Variants in PRKACB observed in about 807,000 individuals in gnomAD.
The protein encoded by PRKACB is protein kinase cAMP-activated catalytic subunit beta.
Under a neutral mutation model 51.4 loss-of-function variants are expected in PRKACB, and 16 were observed. The ratio of observed to expected loss-of-function variants is 0.31; its 90% confidence interval spans 0.21 to 0.47. The LOEUF (loss-of-function observed/expected upper bound fraction) is 0.47. Ranked by LOEUF, PRKACB falls within the 20% of genes least tolerant of loss-of-function variation. PRKACB has a pLI of 1.00. For synonymous variants in PRKACB, 147 were observed against 154.4 expected (o/e 0.95, Z 0.35); for missense variants, 309 against 464.5 (o/e 0.67, Z 3.08).
At chr1:84,113,691 A>G (rs1650410094) in intron 1 of PRKACB, among the ~76,000 whole-genome samples, 1 of 152,236 alleles carries the variant, frequency 6.6e-6, no homozygotes, top group Non-Finnish European at 1.5e-5. Flanking sequence ...GAATCAATAC[A>G]TGCTGCAACA....
intron 8 of PRKACB, among the ~76,000 whole-genome samples, chr1:84,209,880 G>T (rs1362410675): frequency 4.6e-5 from 7 of 152,132 alleles, no homozygotes; most frequent in Non-Finnish European, 1.0e-4. Context: ...CATAGTAGAG[G>T]TTCAATCAAT....
intron 2 of PRKACB, chr1:84,181,698 C>G (rs1558148638): frequency 1.3e-6 from 2 of 1,523,898 alleles, no homozygotes; most frequent in Non-Finnish European, 1.8e-6. Flanking sequence ...TATATAAAGA[C>G]AGAAATGAAG....
chr1:84,170,384 G>A (rs1659041934), intron 1 of PRKACB, among the ~76,000 whole-genome samples: 1 of 151,802 alleles, frequency 6.6e-6, no homozygotes, highest in Admixed American at 6.6e-5. Context: ...CCTGGGAACA[G>A]GGGAGGGATG....
intron 1 of PRKACB, among the ~76,000 whole-genome samples, chr1:84,163,657 C>T (rs574720865): frequency 5.3e-5 from 8 of 152,032 alleles, no homozygotes; most frequent in African/African-American, 1.7e-4. Flanking sequence ...TTCAGTGGTT[C>T]GTCACAAATA....
At chr1:84,104,502 A>G (rs2100820072) in intron 1 of PRKACB, among the ~76,000 whole-genome samples, 1 of 152,238 alleles carries the variant, frequency 6.6e-6, no homozygotes, top group African/African-American at 2.4e-5. Context: ...AATAGCCAGC[A>G]TTGGGATTGC....
intron 1 of PRKACB, chr1:84,086,175 T>C (rs1302802336): frequency 6.3e-7 from 1 of 1,598,912 alleles, no homozygotes; most frequent in Middle Eastern, 1.9e-4. Flanking sequence ...GTGGACAAGT[T>C]TGTGGGCATC....
At chr1:84,206,908 A>G (rs1361667736) in intron 8 of PRKACB, among the ~76,000 whole-genome samples, 1 of 152,168 alleles carries the variant, frequency 6.6e-6, no homozygotes, top group Non-Finnish European at 1.5e-5. Flanking sequence ...AGTCTTTTCT[A>G]CACACATTCG....
At chr1:84,126,736 A>C (rs998658464) in intron 1 of PRKACB, among the ~76,000 whole-genome samples, 1 of 152,174 alleles carries the variant, frequency 6.6e-6, no homozygotes, top group Non-Finnish European at 1.5e-5. Flanking sequence ...TCCCCAGCTT[A>C]ATAATAACTG....
At chr1:84,192,586 T>C (rs1310024531) in intron 5 of PRKACB, among the ~76,000 whole-genome samples, 2 of 152,144 alleles carry the variant, frequency 1.3e-5, no homozygotes, top group African/African-American at 2.4e-5. Context: ...AGAGGAATTG[T>C]AAACGTGGAG....
chr1:84,091,986 T>G (rs114586898), intron 1 of PRKACB, among the ~76,000 whole-genome samples: 1 of 152,132 alleles, frequency 6.6e-6, no homozygotes, highest in Non-Finnish European at 1.5e-5. Context: ...AAGGAAACTT[T>G]TTTGGTTTTT....
chr1:84,123,631 A>T (rs904546273), intron 1 of PRKACB, among the ~76,000 whole-genome samples: 2 of 152,186 alleles, frequency 1.3e-5, no homozygotes. Context: ...GAGAAAATAA[A>T]GTAGAACGCT....
At chr1:84,220,892 CTG>C (rs1673602376) in intron 9 of PRKACB, among the ~76,000 whole-genome samples, 2 of 151,986 alleles carry the variant, frequency 1.3e-5, no homozygotes, top group South Asian at 4.1e-4. Context: ...AGATGTTGGT[CTG>C]TAGTGTTCTT....
intron 1 of PRKACB, among the ~76,000 whole-genome samples, chr1:84,155,611 TAGC>T (rs1186790464): frequency 6.6e-6 from 1 of 152,192 alleles, no homozygotes. Flanking sequence ...CAGTGAGTAA[TAGC>T]AGATGATCTG....
chr1:84,082,835 A>C (rs892800090), intron 1 of PRKACB, among the ~76,000 whole-genome samples: 1 of 152,208 alleles, frequency 6.6e-6, no homozygotes, highest in African/African-American at 2.4e-5. Context: ...TTTTGCATTT[A>C]ATAGAAATGC....
At chr1:84,150,067 A>G (rs1329053408) in intron 1 of PRKACB, among the ~76,000 whole-genome samples, 1 of 151,940 alleles carries the variant, frequency 6.6e-6, no homozygotes, top group African/African-American at 2.4e-5. Flanking sequence ...GAGTTCAACA[A>G]CAGCCTGGCC....
chr1:84,121,496 A>G (rs1651072910), intron 1 of PRKACB, among the ~76,000 whole-genome samples: 1 of 152,114 alleles, frequency 6.6e-6, no homozygotes, highest in Admixed American at 6.6e-5. Flanking sequence ...AAAACTGTAC[A>G]TTACCCCTAA....
At chr1:84,212,590 C>G (rs1442679746) in intron 8 of PRKACB, among the ~76,000 whole-genome samples, 1 of 152,116 alleles carries the variant, frequency 6.6e-6, no homozygotes. Context: ...GGTCCCAACT[C>G]TGCCACTTTA....
chr1:84,180,206 A>ATATATATATATATATATATG (rs1553173784), intron 2 of PRKACB, among the ~76,000 whole-genome samples: 3 of 127,144 alleles, frequency 2.4e-5, no homozygotes, highest in South Asian at 2.6e-4. Flanking sequence ...ATATATATAT[A>ATATATATATATATATATATG]TATGTATGAT....
At chr1:84,231,116 T>C (rs889750988) in intron 9 of PRKACB, among the ~76,000 whole-genome samples, 1 of 151,414 alleles carries the variant, frequency 6.6e-6, no homozygotes, top group African/African-American at 2.4e-5. Flanking sequence ...CAATACCTAA[T>C]TTATTGAGAG....
Sources: gnomAD v4.1 joint callset for allele counts (sites outside exome capture counted in the v4.1 genomes callset) on GRCh38, gnomAD v4.1.1 for gene constraint, MANE v1.5 for transcripts, NCBI Gene and HGNC (gene_info 2026-07-23, HGNC 2026-07-21) for gene names.